Variants in KAZN observed in about 807,000 individuals in gnomAD.
KAZN encodes the protein kazrin, periplakin interacting protein.
In KAZN, 40 loss-of-function variants were observed where a neutral mutation model predicts 87.4. The ratio of observed to expected loss-of-function variants is 0.46; its 90% confidence interval spans 0.36 to 0.60. KAZN has a LOEUF of 0.60. KAZN is among the 20% of genes least tolerant of loss of function. The pLI is 0.00. For missense variants in KAZN, 898 were observed against 1,073.9 expected, an observed-to-expected ratio of 0.84 and a Z score of 2.29; for synonymous variants, 466 against 458.3, an observed-to-expected ratio of 1.02 and a Z score of -0.22.
chr1:14,571,797 T>C (rs561251554), intron 2 of KAZN, among the ~76,000 whole-genome samples: 2 of 152,162 alleles, frequency 1.3e-5, no homozygotes, highest in Non-Finnish European at 2.9e-5. Context: ...TCCCTCTAAC[T>C]GGGCTGGCAA....
At chr1:14,405,646 G>GT (rs1553167661) in intron 2 of KAZN, among the ~76,000 whole-genome samples, 2 of 149,284 alleles carry the variant, frequency 1.3e-5, no homozygotes, top group Non-Finnish European at 3.0e-5. Flanking sequence ...GTGTGTGTGT[G>GT]TTTATACAGA....
chr1:14,239,959 C>A (rs1432030763), intron 2 of KAZN, among the ~76,000 whole-genome samples: 1 of 152,136 alleles, frequency 6.6e-6, no homozygotes, highest in African/African-American at 2.4e-5. Context: ...CAAAGATGTA[C>A]CCAGCCCCAA....
chr1:14,727,123 A>G (rs1374091075), intron 1 of KAZN, among the ~76,000 whole-genome samples: 1 of 150,892 alleles, frequency 6.6e-6, no homozygotes, highest in African/African-American at 2.5e-5. Flanking sequence ...AAATATATAT[A>G]TATGGAGAGA....
At chr1:14,504,713 T>C (rs143380522) in intron 2 of KAZN, among the ~76,000 whole-genome samples, 141 of 152,324 alleles carry the variant, frequency 9.3e-4, no homozygotes, top group African/African-American at 3.3e-3. Flanking sequence ...TCTGTAATCG[T>C]CTAAATTCCA....
intron 2 of KAZN, among the ~76,000 whole-genome samples, chr1:14,500,421 G>A (rs1025034537): frequency 6.6e-6 from 1 of 152,056 alleles, no homozygotes; most frequent in African/African-American, 2.4e-5. Context: ...CAAAACTTAA[G>A]TAGTACAACC....
At chr1:14,055,695 T>C (rs760952960) in intron 1 of KAZN, among the ~76,000 whole-genome samples, 5 of 152,108 alleles carry the variant, frequency 3.3e-5, no homozygotes, top group Non-Finnish European at 7.4e-5. Flanking sequence ...AGAAGGTAGA[T>C]TTTCAGTTCC....
chr1:14,102,479 A>G (rs974349709), intron 1 of KAZN, among the ~76,000 whole-genome samples: 2 of 151,800 alleles, frequency 1.3e-5, no homozygotes, highest in African/African-American at 4.9e-5. Context: ...GGGTGATCCT[A>G]GTTCCTGCTC....
chr1:14,425,249 T>A (rs1490175634), intron 2 of KAZN, among the ~76,000 whole-genome samples: 1 of 152,202 alleles, frequency 6.6e-6, no homozygotes, highest in Non-Finnish European at 1.5e-5. Flanking sequence ...AGACAGAGCC[T>A]GCCCCTACAT....
At chr1:14,121,628 G>A (rs895097891) in intron 1 of KAZN, among the ~76,000 whole-genome samples, 6 of 152,158 alleles carry the variant, frequency 3.9e-5, no homozygotes, top group African/African-American at 1.4e-4. Flanking sequence ...TGAATAAGAT[G>A]CCCAAAGATC....
rs533421762 is a variant in KAZN, at chr1:14,760,891, C to T, written c.226+161668C>T. Among the ~76,000 whole-genome samples the T allele has an allele frequency of 1.2e-3, 178 of 152,314 alleles. 5 individuals are homozygous for T. In the South Asian group the frequency reaches 0.033, roughly 28 times the overall value. On this transcript the variant is annotated intron_variant, in intron 1 of 14. Transcript: ENST00000376030. ...CATTACACTTTGTGGACCTTACAGT[C>T]TTTGTAGCAGTTGAAGACCTCTGCC...
chr1:14,701,069 C>T (rs1257556001), intron 1 of KAZN, among the ~76,000 whole-genome samples: 1 of 152,158 alleles, frequency 6.6e-6, no homozygotes, highest in East Asian at 1.9e-4. Context: ...AGATGTGGCC[C>T]CCACCATGCT....
At chr1:14,781,556 T>C (rs955028157) in intron 1 of KAZN, among the ~76,000 whole-genome samples, 1 of 152,162 alleles carries the variant, frequency 6.6e-6, no homozygotes, top group Admixed American at 6.5e-5. Flanking sequence ...TAAGAGCAAA[T>C]GAAGATGTTG....
chr1:14,180,487 C>G, exon 2 of KAZN: 1 of 1,550,250 alleles, frequency 6.5e-7, no homozygotes. Flanking sequence ...TTATTGTCAC[C>G]AAGTCGAAGG....
chr1:15,093,868 T>C (rs1462138753), intron 8 of KAZN, among the ~76,000 whole-genome samples: 1 of 152,258 alleles, frequency 6.6e-6, no homozygotes, highest in Non-Finnish European at 1.5e-5. Context: ...AGTTCCCGGC[T>C]TGACTTTTCC....
At chr1:14,326,163 G>T (rs1254221024) in intron 2 of KAZN, among the ~76,000 whole-genome samples, 1 of 152,022 alleles carries the variant, frequency 6.6e-6, no homozygotes, top group Non-Finnish European at 1.5e-5. Flanking sequence ...AGTCAAAACT[G>T]AAATTCTAGT....
At chr1:13,942,546 CAAAAAA>C (rs55784948) in intron 1 of KAZN, among the ~76,000 whole-genome samples, 1 of 70,840 alleles carries the variant, frequency 1.4e-5, no homozygotes, top group Non-Finnish European at 2.6e-5. Flanking sequence ...GACTCCGTCT[CAAAAAA>C]AAAAAAAAAA....
chr1:14,678,097 T>G (rs1640343689), intron 1 of KAZN, among the ~76,000 whole-genome samples: 1 of 152,098 alleles, frequency 6.6e-6, no homozygotes, highest in Non-Finnish European at 1.5e-5. Flanking sequence ...TGGATTGGAC[T>G]GAAGATGCAA....
chr1:14,726,537 G>T (rs746409803), intron 1 of KAZN, among the ~76,000 whole-genome samples: 1 of 152,122 alleles, frequency 6.6e-6, no homozygotes, highest in South Asian at 2.1e-4. Flanking sequence ...ATCCTTCCTC[G>T]AGTGTCTGTG....
chr1:14,725,932 G>C (rs76164905), intron 1 of KAZN, among the ~76,000 whole-genome samples: 1,547 of 152,340 alleles, frequency 0.01, 29 homozygotes, highest in African/African-American at 0.036. Context: ...GAGGGAAGCG[G>C]ATGGGCTCAA....
Sources: allele counts gnomAD v4.1 joint callset (sites outside exome capture counted in the v4.1 genomes callset), GRCh38; gene constraint gnomAD v4.1.1; transcripts MANE v1.5; gene names NCBI Gene and HGNC (gene_info 2026-07-23, HGNC 2026-07-21).